CCDC88C: variants seen among roughly 807,000 people sequenced by gnomAD.
CCDC88C encodes the protein protein Daple.
Under a neutral mutation model 198.8 loss-of-function variants are expected in CCDC88C, and 131 were observed. That is an observed-to-expected ratio of 0.66 (90% CI 0.57 to 0.76). The LOEUF (loss-of-function observed/expected upper bound fraction) is 0.76. Ranked by LOEUF, CCDC88C falls within the 30% of genes least tolerant of loss-of-function variation. The pLI is 0.00. For missense variants in CCDC88C, 2,553 were observed against 2,631.6 expected (o/e 0.97, Z 0.65); for synonymous variants, 1,166 against 1,114.7 (o/e 1.05, Z -0.92).
chr14:91,342,196 G>C lies in CCDC88C; in HGVS notation c.483+184C>G, dbSNP rs570292400. The C allele has an allele frequency of 9.6e-6, 4 of 417,532 alleles. No individual in the cohort carries two copies. In the East Asian group the frequency reaches 1.1e-4, roughly 11 times the overall value. 25.9% of individuals were successfully genotyped at this position (417,532 alleles called of 1,614,324 possible). A position where few individuals can be genotyped will look rare whatever the true frequency, so the allele number is the denominator to read the frequency against. On this transcript the variant is annotated intron_variant, in intron 6 of 29. Transcript: ENST00000389857. ...TTTTTACCCTCATTTTATTTTAGCT[G>C]GCTGATTGATGGCTATCTTTCCAAA...
At chr14:91,412,278 T>C (rs1886829453) in intron 2 of CCDC88C, among the ~76,000 whole-genome samples, 2 of 152,130 alleles carry the variant, frequency 1.3e-5, no homozygotes, top group Admixed American at 1.3e-4. Flanking sequence ...AAAATATTAA[T>C]ACATTAAGGA....
chr14:91,389,964 C>G (rs1196799965), intron 3 of CCDC88C, among the ~76,000 whole-genome samples: 2 of 151,570 alleles, frequency 1.3e-5, no homozygotes, highest in Admixed American at 6.6e-5. Context: ...CCCAGCTCCT[C>G]GGGAGGCTGA....
chr14:91,364,323 G>A lies in CCDC88C; in HGVS notation c.271-4612C>T, dbSNP rs190089880. On this transcript the variant is annotated intron_variant, in intron 3 of 29. Coordinates refer to ENST00000389857, the MANE Select transcript of CCDC88C (RefSeq NM_001080414.4). ...CCACTTCTCCTTTAGGTTTGCTTTC[G>A]GATCCTAAAATAAGATTTTGCTTTT... Among the ~76,000 whole-genome samples the A allele has an allele frequency of 5.5e-4, 83 of 152,272 alleles. 1 individual carries two copies. The East Asian group carries it at 0.01, about 18-fold the overall frequency.
intron 22 of CCDC88C, among the ~76,000 whole-genome samples, chr14:91,295,871 A>G (rs919256872): frequency 6.6e-6 from 1 of 152,198 alleles, no homozygotes; most frequent in African/African-American, 2.4e-5. Context: ...TGAGGCTGCC[A>G]TGAGGGTGGG....
intron 3 of CCDC88C, among the ~76,000 whole-genome samples, chr14:91,389,221 G>A (rs1016231125): frequency 1.1e-4 from 16 of 152,122 alleles, no homozygotes; most frequent in South Asian, 4.1e-4. Context: ...GGACAGGTAC[G>A]GTGAGGAGGG....
At position 91,305,750 on chromosome 14, in the gene CCDC88C, G is replaced by T. The variant is rs570575472; in HGVS notation, c.3357+15C>A. The stretch of plus-strand genomic sequence containing the variant: ...CGCCAGGCTTGTGACCACTGGTGTT[G>T]GGAGCCCCGCTCACCTGCAGCTTGG... On this transcript the variant is annotated intron_variant, in intron 19 of 29. Transcript: ENST00000389857. 2.5e-6 allele frequency: 4 copies of T among 1,593,194 alleles called. No homozygotes were observed. The highest frequency in any genetic ancestry group is 2.6e-6 in the Non-Finnish European group (3 of 1,162,930).
intron 2 of CCDC88C, among the ~76,000 whole-genome samples, chr14:91,411,490 A>G (rs1886784599): frequency 6.6e-6 from 1 of 152,232 alleles, no homozygotes; most frequent in African/African-American, 2.4e-5. Flanking sequence ...GTTGTCATTC[A>G]GAACAACAAT....
At chr14:91,359,602 G>A (rs1894208676) in intron 4 of CCDC88C, 40 bp downstream of exon 4, 3 of 1,548,424 alleles carry the variant, frequency 1.9e-6, no homozygotes, top group South Asian at 1.2e-5. Flanking sequence ...CATGCCTCTG[G>A]CTGGGCACCA....
intron 13 of CCDC88C, 33 bp downstream of exon 13, chr14:91,321,087 T>G: frequency 6.4e-7 from 1 of 1,574,010 alleles, no homozygotes; most frequent in South Asian, 1.2e-5. Flanking sequence ...AAGGGTTCTG[T>G]GCTTCCCCGG....
chr14:91,389,263 C>A (rs1885336629), intron 3 of CCDC88C, among the ~76,000 whole-genome samples: 1 of 152,130 alleles, frequency 6.6e-6, no homozygotes, highest in Non-Finnish European at 1.5e-5. Flanking sequence ...CCTCCGAGTC[C>A]AAACGTTAAG....
At position 91,338,477 on chromosome 14, in the gene CCDC88C, C is replaced by A; in HGVS notation, c.891+12G>T. 6.4e-7 allele frequency: 1 copy of A among 1,557,252 alleles called. No individual in the cohort carries two copies. Among genetic ancestry groups the A allele is most frequent in the Non-Finnish European group, 8.7e-7 (1 of 1,150,176 alleles). ...TACCCCCAGGACACACAGGCTCAGG[C>A]CCCCGACTCACCTCCTGCTTAACTT... is the stretch of plus-strand genomic sequence containing the variant. On this transcript the variant is annotated intron_variant, in intron 9 of 29. Transcript: ENST00000389857. This position sits in a 1 kb window ranked among gnomAD's most constrained non-coding sequence, Gnocchi z 4.8.
chr14:91,287,403 T>C (rs901778295), intron 25 of CCDC88C, among the ~76,000 whole-genome samples: 1 of 152,120 alleles, frequency 6.6e-6, no homozygotes, highest in African/African-American at 2.4e-5. Flanking sequence ...CAGGCTGGAG[T>C]ACAGTGGTAT....
chr14:91,342,598 GTCC>G, intron 5 of CCDC88C, 135 bp from the exon 6 acceptor site: 3 of 685,722 alleles, frequency 4.4e-6, no homozygotes, highest in Non-Finnish European at 5.3e-6. Context: ...GAACGCTCTT[GTCC>G]TCCTACCAGC....
At chr14:91,301,791 C>T (rs772158580) in intron 20 of CCDC88C, among the ~76,000 whole-genome samples, 1 of 152,210 alleles carries the variant, frequency 6.6e-6, no homozygotes, top group Non-Finnish European at 1.5e-5. Context: ...GAATAAGGCA[C>T]GCAAGTGCCT....
Position 91,339,515 on chromosome 14 carries a change from C to G in CCDC88C, c.625-53G>C. On this transcript the variant is annotated intron_variant, in intron 7 of 29. Transcript: ENST00000389857. This position sits in a 1 kb window ranked among gnomAD's most constrained non-coding sequence, Gnocchi z 5.8. ...GGAGAACAAACGGGGTTAACCAGCA[C>G]AACGCCTGAGCTTGAACAGGGTGAA... The G allele has an allele frequency of 6.6e-7, 1 of 1,524,188 alleles. No homozygotes were observed. The highest frequency in any genetic ancestry group is 1.2e-5 in the South Asian group (1 of 81,098). The allele number at this position is 1,524,188 out of a possible 1,614,324, so 94.4% of individuals were successfully genotyped here.
At chr14:91,322,969 G>A (rs886194639) in intron 12 of CCDC88C, among the ~76,000 whole-genome samples, 2 of 143,342 alleles carry the variant, frequency 1.4e-5, no homozygotes, top group Non-Finnish European at 3.0e-5. Context: ...GCAGTGGTGT[G>A]ATCTTGGCTC....
Position 91,273,750 on chromosome 14 carries a change from G to T in CCDC88C, c.5059-97C>A. Reference sequence around the variant, plus strand: ...GGGACGCCCCCGAGCAGCCCACGTGGCTGGGACCGCAGTTCCTGCCTGCCT... The same window carrying T: ...GGGACGCCCCCGAGCAGCCCACGTGTCTGGGACCGCAGTTCCTGCCTGCCT... On this transcript the variant is annotated intron_variant, in intron 29 of 29. Coordinates refer to ENST00000389857, the MANE Select transcript of CCDC88C (RefSeq NM_001080414.4). The surrounding 1 kb of genome is among the most constrained non-coding windows in gnomAD (Gnocchi z 5.6). 9.3e-7 allele frequency: 1 copy of T among 1,071,692 alleles called. No homozygotes were observed. Among genetic ancestry groups the T allele is most frequent in the Non-Finnish European group, 1.3e-6 (1 of 798,542 alleles). 66.4% of individuals were successfully genotyped at this position (1,071,692 alleles called of 1,614,324 possible).
intron 3 of CCDC88C, among the ~76,000 whole-genome samples, chr14:91,374,658 C>G (rs918005516): frequency 6.6e-6 from 1 of 152,210 alleles, no homozygotes; most frequent in Non-Finnish European, 1.5e-5. Context: ...GAGCACAGAG[C>G]CTGGGGTGGC....
chr14:91,299,489 C>T (rs1009770270), intron 21 of CCDC88C, among the ~76,000 whole-genome samples: 20 of 152,330 alleles, frequency 1.3e-4, no homozygotes, highest in African/African-American at 4.1e-4. Flanking sequence ...CCGCATTTCA[C>T]CACTCTGTGC....
Sources: gnomAD v4.1 joint callset for allele counts (sites outside exome capture counted in the v4.1 genomes callset) on GRCh38, gnomAD v4.1.1 for gene constraint, Gnocchi (gnomAD v3.1) non-coding constraint, MANE v1.5 for transcripts, NCBI Gene and HGNC (gene_info 2026-07-23, HGNC 2026-07-21) for gene names.